ICA1: variants seen among roughly 807,000 people sequenced by gnomAD.
ICA1 encodes islet cell autoantigen 1, also known as 69 kDa islet cell autoantigen.
In ICA1, 40 loss-of-function variants were observed where a neutral mutation model predicts 71.0. That is an observed-to-expected ratio of 0.56 (90% CI 0.44 to 0.73). The LOEUF (loss-of-function observed/expected upper bound fraction) is 0.73, where lower values mean the gene tolerates loss of function less well. ICA1 is among the 30% of genes least tolerant of loss of function. The probability of loss-of-function intolerance (pLI) is 0.00; values close to 1 mark genes in which losing one functional copy is unlikely to be tolerated. For missense variants in ICA1, 578 were observed against 576.5 expected (o/e 1.00, Z -0.03); for synonymous variants, 207 against 209.5 (o/e 0.99, Z 0.10).
intron 6 of ICA1, among the ~76,000 whole-genome samples, chr7:8,167,006 A>G (rs1806246095): frequency 1.3e-5 from 2 of 152,232 alleles, no homozygotes; most frequent in African/African-American, 4.8e-5. Context: ...GAAAAAAGGA[A>G]TGTGTATATA....
intron 1 of ICA1, among the ~76,000 whole-genome samples, chr7:8,253,216 T>C (rs1236155403): frequency 1.3e-5 from 2 of 152,216 alleles, no homozygotes; most frequent in African/African-American, 2.4e-5. Context: ...TTATTTCTGC[T>C]CAGAATCTCT....
At chr7:8,186,173 G>C (rs539613388) in intron 6 of ICA1, among the ~76,000 whole-genome samples, 9 of 152,222 alleles carry the variant, frequency 5.9e-5, no homozygotes, top group African/African-American at 2.2e-4. Flanking sequence ...AAGGAACAGG[G>C]GGAGGAGACA....
At chr7:8,254,489 C>T (rs1290802336) in intron 1 of ICA1, among the ~76,000 whole-genome samples, 2 of 148,938 alleles carry the variant, frequency 1.3e-5, no homozygotes, top group Non-Finnish European at 3.0e-5. Context: ...CAGCACCACA[C>T]TTGCGTCTGC....
intron 8 of ICA1, among the ~76,000 whole-genome samples, chr7:8,145,026 TG>T (rs932205106): frequency 1.3e-5 from 2 of 152,156 alleles, no homozygotes; most frequent in African/African-American, 2.4e-5. Flanking sequence ...GACCTGTGAT[TG>T]ATTTTGGTGT....
chr7:8,204,782 A>C lies in ICA1; in HGVS notation c.579+13523T>G, dbSNP rs180894655. On this transcript the variant is annotated intron_variant, in intron 6 of 13. Coordinates refer to ENST00000402384, the MANE Select transcript of ICA1 (RefSeq NM_001136020.3). ...CTTATTTTCTGGATTAAATCGTAAG[A>C]AAGTTCATCAAATCTTCATTATATT... Among the ~76,000 whole-genome samples the C allele has an allele frequency of 9.6e-4, 146 of 152,302 alleles. 3 individuals carry two copies. The East Asian group carries it at 0.025, about 26-fold the overall frequency.
rs1783446017 is a variant in ICA1, at chr7:8,184,999, G to A, written c.580-26347C>T. On this transcript the variant is annotated intron_variant, in intron 6 of 13. Coordinates refer to ENST00000402384, the MANE Select transcript of ICA1 (RefSeq NM_001136020.3). ...TGAGGTGGGAGAATTGTTTGAACCT[G>A]GGAGGCGGAGGCTGCAGTGACCTGA... Among the ~76,000 whole-genome samples, 4 of 152,062 alleles carry A rather than the reference G, an allele frequency of 2.6e-5. No homozygotes were observed. In the South Asian group the frequency reaches 8.3e-4, roughly 32 times the overall value.
intron 6 of ICA1, among the ~76,000 whole-genome samples, chr7:8,184,628 T>C (rs759794426): frequency 2.6e-5 from 4 of 152,204 alleles, no homozygotes; most frequent in Non-Finnish European, 5.9e-5. Context: ...GAGAGAATAA[T>C]TCATACTTGA....
At chr7:8,207,572 T>C (rs542361108) in intron 6 of ICA1, among the ~76,000 whole-genome samples, 1 of 152,180 alleles carries the variant, frequency 6.6e-6, no homozygotes, top group South Asian at 2.1e-4. Flanking sequence ...CTGTTTTCTG[T>C]TTAAGGTTTT....
intron 1 of ICA1, among the ~76,000 whole-genome samples, chr7:8,249,127 G>T (rs1807201721): frequency 6.6e-6 from 1 of 152,234 alleles, no homozygotes; most frequent in Non-Finnish European, 1.5e-5. Context: ...AGATGCTACA[G>T]GCTCCCTGTG....
Position 8,226,462 on chromosome 7 carries a change from G to A in ICA1, c.256+2139C>T, listed in dbSNP as rs143674831. On this transcript the variant is annotated intron_variant, in intron 4 of 13. Transcript: ENST00000402384. The surrounding 1 kb of genome is among the most constrained non-coding windows in gnomAD (Gnocchi z 4.4). ...TTTTATATCACCTTCTTGCTTGCAT[G>A]AAGGATAGCATACTATAGATACGCT... Among the ~76,000 whole-genome samples the A allele has an allele frequency of 6.6e-6, 1 of 152,132 alleles. No homozygotes were observed. The highest frequency in any genetic ancestry group is 1.5e-5 in the Non-Finnish European group (1 of 68,028).
chr7:8,131,562 C>T (rs927335909), intron 12 of ICA1, among the ~76,000 whole-genome samples: 1 of 152,206 alleles, frequency 6.6e-6, no homozygotes. Flanking sequence ...CCACACAGTG[C>T]ACATTTTCTC....
At chr7:8,143,776 C>G in intron 9 of ICA1, 99 bp downstream of exon 9, 1 of 732,458 alleles carries the variant, frequency 1.4e-6, no homozygotes, top group Non-Finnish European at 2.4e-6. Flanking sequence ...GGAAGTAAGA[C>G]AAGTCTGCGT....
chr7:8,121,313 A>T (rs1678630898), intron 13 of ICA1, among the ~76,000 whole-genome samples: 1 of 152,150 alleles, frequency 6.6e-6, no homozygotes, highest in South Asian at 2.1e-4. Context: ...GTACTTTTGA[A>T]CATTTACTGT....
intron 6 of ICA1, among the ~76,000 whole-genome samples, chr7:8,206,619 C>T (rs1791627038): frequency 1.3e-5 from 2 of 151,700 alleles, no homozygotes; most frequent in Admixed American, 1.3e-4. Flanking sequence ...ATGGTGAAAC[C>T]TCAACCTCAT....
At chr7:8,125,049 A>G (rs1788633872) in intron 13 of ICA1, among the ~76,000 whole-genome samples, 1 of 152,080 alleles carries the variant, frequency 6.6e-6, no homozygotes, top group Non-Finnish European at 1.5e-5. Context: ...TCCGCCTCCT[A>G]AAGTGCTGGG....
intron 1 of ICA1, among the ~76,000 whole-genome samples, chr7:8,255,381 T>C (rs1583911779): frequency 6.6e-6 from 1 of 152,216 alleles, no homozygotes; most frequent in African/African-American, 2.4e-5. Flanking sequence ...TCAGGAAATA[T>C]TCTCCACACT....
intron 12 of ICA1, among the ~76,000 whole-genome samples, chr7:8,133,425 G>C (rs1792220466): frequency 6.6e-6 from 1 of 152,124 alleles, no homozygotes; most frequent in Non-Finnish European, 1.5e-5. Context: ...CACCATGCCT[G>C]GCTAACTTTT....
chr7:8,249,243 CTTAA>C (rs1475900151), intron 1 of ICA1, among the ~76,000 whole-genome samples: 4 of 152,214 alleles, frequency 2.6e-5, no homozygotes, highest in South Asian at 2.1e-4. Flanking sequence ...GTCTCTAAGA[CTTAA>C]TTAGTCATTG....
At chr7:8,212,574 A>C (rs774166802) in intron 6 of ICA1, among the ~76,000 whole-genome samples, 20 of 152,178 alleles carry the variant, frequency 1.3e-4, no homozygotes, top group Non-Finnish European at 2.1e-4. Context: ...CAAAACAAAC[A>C]AAACAAAACG....
Sources: allele counts gnomAD v4.1 joint callset (sites outside exome capture counted in the v4.1 genomes callset), GRCh38; gene constraint gnomAD v4.1.1; non-coding constraint Gnocchi (gnomAD v3.1); transcripts MANE v1.5; gene names NCBI Gene and HGNC (gene_info 2026-07-23, HGNC 2026-07-21).